ZNF804B: variants seen among roughly 807,000 people sequenced by gnomAD.
ZNF804B encodes the protein zinc finger protein 804B.
A neutral mutation model predicts 101.4 loss-of-function variants in ZNF804B; 80 were observed. That is an observed-to-expected ratio of 0.79 (90% CI 0.66 to 0.95). ZNF804B has a LOEUF of 0.95. Ranked by LOEUF, ZNF804B falls within the 40% of genes least tolerant of loss-of-function variation. ZNF804B has a pLI of 0.00. For missense variants in ZNF804B, 1,673 were observed against 1,561.9 expected (o/e 1.07, Z -1.20); for synonymous variants, 622 against 558.8 (o/e 1.11, Z -1.59).
intron 1 of ZNF804B, among the ~76,000 whole-genome samples, chr7:89,020,753 T>G (rs1788653492): frequency 1.3e-5 from 2 of 152,196 alleles, no homozygotes; most frequent in Non-Finnish European, 2.9e-5. Context: ...TTGTTTTTTA[T>G]TCTTTTATGT....
At chr7:88,935,010 G>A (rs757718239) in intron 1 of ZNF804B, among the ~76,000 whole-genome samples, 1 of 151,010 alleles carries the variant, frequency 6.6e-6, no homozygotes, top group Non-Finnish European at 1.5e-5. Flanking sequence ...TAAAGAAAAG[G>A]TTATATATAT....
chr7:88,913,919 A>G (rs184736499), intron 1 of ZNF804B, among the ~76,000 whole-genome samples: 4 of 152,334 alleles, frequency 2.6e-5, no homozygotes, highest in Admixed American at 2.0e-4. Flanking sequence ...GTATTGCTAA[A>G]GTGGCAGGCT....
intron 1 of ZNF804B, among the ~76,000 whole-genome samples, chr7:89,123,938 C>T (rs1376509086): frequency 6.6e-6 from 1 of 152,146 alleles, no homozygotes. Flanking sequence ...AAGGAGTGTA[C>T]AGGCAAGCAT....
chr7:89,092,177 G>A (rs1198476691), intron 1 of ZNF804B, among the ~76,000 whole-genome samples: 12 of 151,226 alleles, frequency 7.9e-5, no homozygotes, highest in Non-Finnish European at 1.6e-4. Context: ...ATCCTCACAT[G>A]GTGAAATAAA....
Position 88,764,169 on chromosome 7 carries a change from G to A in ZNF804B, c.108+4085G>A, listed in dbSNP as rs903821031. Among the ~76,000 whole-genome samples the A allele has an allele frequency of 5.3e-5, 8 of 152,216 alleles. No individual in the cohort carries two copies. The East Asian group carries it at 7.7e-4, about 15-fold the overall frequency. Reference sequence around the variant, plus strand: ...CAAGTTTATATTCGAATGTAGTGCCGTTAATAGTGAGACTATCATTCGGGA... The same window carrying A: ...CAAGTTTATATTCGAATGTAGTGCCATTAATAGTGAGACTATCATTCGGGA... On this transcript the variant is annotated intron_variant, in intron 1 of 3. Transcript: ENST00000333190.
At chr7:89,013,736 T>C (rs549329956) in intron 1 of ZNF804B, among the ~76,000 whole-genome samples, 32 of 152,328 alleles carry the variant, frequency 2.1e-4, no homozygotes, top group Non-Finnish European at 4.3e-4. Context: ...GCTGTAATTT[T>C]GTGTCCTTTG....
intron 1 of ZNF804B, among the ~76,000 whole-genome samples, chr7:88,819,928 A>C (rs1469754743): frequency 6.6e-6 from 1 of 152,180 alleles, no homozygotes; most frequent in Non-Finnish European, 1.5e-5. Context: ...CAGGAAGCAT[A>C]GTTTGTCCTG....
chr7:88,907,481 G>A (rs1562828749), intron 1 of ZNF804B, among the ~76,000 whole-genome samples: 1 of 151,982 alleles, frequency 6.6e-6, no homozygotes, highest in Non-Finnish European at 1.5e-5. Flanking sequence ...CTACTAAGGA[G>A]AACAACAGAA....
chr7:88,877,004 AAAAATATATATATATATATAT>A (rs1791949354), intron 1 of ZNF804B, among the ~76,000 whole-genome samples: 3 of 84,878 alleles, frequency 3.5e-5, no homozygotes, highest in African/African-American at 1.8e-4. Context: ...ATTTGAAAAA[AAAAATATATATATATATATAT>A]AATATATATA....
At chr7:89,097,879 T>A (rs2116334004) in intron 1 of ZNF804B, among the ~76,000 whole-genome samples, 1 of 152,324 alleles carries the variant, frequency 6.6e-6, no homozygotes, top group East Asian at 1.9e-4. Flanking sequence ...ACCTGCTTTT[T>A]TCTATAAGCT....
At position 89,278,832 on chromosome 7, in the gene ZNF804B, A is replaced by G. The variant is rs1319142106; in HGVS notation, c.250-48512A>G. 3.9e-3 allele frequency among the ~76,000 whole-genome samples: 596 copies of G among 151,502 alleles called. 7 individuals carry two copies. Among genetic ancestry groups the G allele is most frequent in the African/African-American group, 0.013 (552 of 41,046 alleles). ...TGGCTTAGGATTGACTTGGCGATGCAGGCTCTTTTTTGGTTCCATATGAAC... is the reference window on the plus strand; with the variant it reads ...TGGCTTAGGATTGACTTGGCGATGCGGGCTCTTTTTTGGTTCCATATGAAC... On this transcript the variant is annotated intron_variant, in intron 2 of 3. Coordinates refer to ENST00000333190, the MANE Select transcript of ZNF804B (RefSeq NM_181646.5).
intron 1 of ZNF804B, among the ~76,000 whole-genome samples, chr7:88,894,830 A>G (rs2115938226): frequency 6.6e-6 from 1 of 152,248 alleles, no homozygotes; most frequent in African/African-American, 2.4e-5. Context: ...AAAATAGATC[A>G]GAGGTTTGGG....
chr7:88,833,287 G>A (rs1160023299), intron 1 of ZNF804B, among the ~76,000 whole-genome samples: 1 of 151,770 alleles, frequency 6.6e-6, no homozygotes, highest in Non-Finnish European at 1.5e-5. Context: ...ATTTGAGGAT[G>A]CAATCTCACC....
intron 1 of ZNF804B, among the ~76,000 whole-genome samples, chr7:88,831,323 G>A (rs1791128782): frequency 6.6e-6 from 1 of 151,784 alleles, no homozygotes; most frequent in African/African-American, 2.4e-5. Context: ...GACTTAATAG[G>A]TCTAACAGAC....
chr7:89,276,870 A>G (rs1789989044), intron 2 of ZNF804B, among the ~76,000 whole-genome samples: 2 of 151,788 alleles, frequency 1.3e-5, no homozygotes, highest in African/African-American at 4.9e-5. Flanking sequence ...CTACTAAACA[A>G]TGTAGACAGT....
rs377057656 is a variant in ZNF804B at position 88,990,397 on chromosome 7, G to A, written c.109-227758G>A. ...ACACACACATACTTTCTCTCTCTCT[G>A]GATATACAGATAAATAGATATCCAT... On this transcript the variant is annotated intron_variant, in intron 1 of 3. Coordinates refer to ENST00000333190, the MANE Select transcript of ZNF804B (RefSeq NM_181646.5). Among the ~76,000 whole-genome samples the A allele has an allele frequency of 2.0e-5, 3 of 151,906 alleles. No homozygotes were observed. In the South Asian group the frequency reaches 6.2e-4, roughly 32 times the overall value.
At position 89,133,718 on chromosome 7, in the gene ZNF804B, A is replaced by G. The variant is rs539051473; in HGVS notation, c.109-84437A>G. Among the ~76,000 whole-genome samples, 8 of 152,230 alleles carry G rather than the reference A, an allele frequency of 5.3e-5. No homozygotes were observed. The East Asian group carries it at 1.6e-3, about 30-fold the overall frequency. On this transcript the variant is annotated intron_variant, in intron 1 of 3. Coordinates refer to ENST00000333190, the MANE Select transcript of ZNF804B (RefSeq NM_181646.5). ...TAGACCCTTTACAAGCAAATAGTAGAAATAAACGTCATGGCTAATGCACTT... is the reference window on the plus strand; with the variant it reads ...TAGACCCTTTACAAGCAAATAGTAGGAATAAACGTCATGGCTAATGCACTT...
At chr7:88,975,881 T>C (rs1793609486) in intron 1 of ZNF804B, among the ~76,000 whole-genome samples, 1 of 151,712 alleles carries the variant, frequency 6.6e-6, no homozygotes. Context: ...TTGCCCAATG[T>C]TTCCTTTTAG....
At chr7:88,900,661 G>T (rs1234175873) in intron 1 of ZNF804B, among the ~76,000 whole-genome samples, 2 of 150,272 alleles carry the variant, frequency 1.3e-5, no homozygotes, top group Non-Finnish European at 3.0e-5. Flanking sequence ...GGTTTAGACA[G>T]ATATTTGAAC....
Sources: gnomAD v4.1 joint callset for allele counts (sites outside exome capture counted in the v4.1 genomes callset) on GRCh38, gnomAD v4.1.1 for gene constraint, MANE v1.5 for transcripts, NCBI Gene and HGNC (gene_info 2026-07-23, HGNC 2026-07-21) for gene names.